The following PTPRD variants were observed in gnomAD, a reference collection of about 807,000 sequenced individuals.
PTPRD encodes the protein protein tyrosine phosphatase receptor type D.
A neutral mutation model predicts 214.5 loss-of-function variants in PTPRD; 34 were observed. The ratio of observed to expected loss-of-function variants is 0.16; its 90% CI spans 0.12 to 0.21. The LOEUF (loss-of-function observed/expected upper bound fraction) is 0.21. Ranked by LOEUF, PTPRD falls within the 10% of genes least tolerant of loss-of-function variation. The pLI is 1.00. For missense variants in PTPRD, 2,545 were observed against 2,398.7 expected (o/e 1.06, Z -1.27); for synonymous variants, 1,128 against 845.7 (o/e 1.33, Z -5.79).
Position 10,599,337 on chromosome 9 carries a change from T to C in PTPRD, c.-600+13061A>G, listed in dbSNP as rs187597403. 2.0e-4 allele frequency among the ~76,000 whole-genome samples: 30 copies of C among 151,928 alleles called. 1 individual carries two copies. In the East Asian group the frequency reaches 5.8e-3, roughly 30 times the overall value. ...TATAATGACCAATAATTCCACTTTG[T>C]TTCCTATACTTGTTTGGGAAGTCTT... On this transcript the variant is annotated intron_variant, in intron 2 of 45. Coordinates refer to ENST00000381196, the MANE Select transcript of PTPRD (RefSeq NM_002839.4).
At chr9:9,121,710 T>C (rs112337854) in intron 10 of PTPRD, among the ~76,000 whole-genome samples, 4,269 of 152,112 alleles carry the variant, frequency 0.028, 104 homozygotes, top group East Asian at 0.071. Context: ...AGACAACAGA[T>C]ATGGTGCAGT....
chr9:8,694,940 C>G lies in PTPRD; in HGVS notation c.64+38840G>C, dbSNP rs148746702. Among the ~76,000 whole-genome samples the G allele has an allele frequency of 2.0e-3, 312 of 152,208 alleles. 2 individuals are homozygous for G. Among genetic ancestry groups the G allele is most frequent in the African/African-American group, 7.0e-3 (292 of 41,540 alleles). On this transcript the variant is annotated intron_variant, in intron 12 of 45. Transcript: ENST00000381196. ...AACATATCCGTCAAAATATTTTGGGCTATAGATAACAGAACATCCTACTAA... is the reference window on the plus strand; with the variant it reads ...AACATATCCGTCAAAATATTTTGGGGTATAGATAACAGAACATCCTACTAA...
intron 4 of PTPRD, among the ~76,000 whole-genome samples, chr9:10,017,536 T>TC (rs1430696542): frequency 6.6e-6 from 1 of 152,134 alleles, no homozygotes; most frequent in Non-Finnish European, 1.5e-5. Context: ...ATTTTATTTT[T>TC]CATGTTCCTC....
intron 3 of PTPRD, among the ~76,000 whole-genome samples, chr9:10,258,435 C>T (rs1195650166): frequency 6.6e-6 from 1 of 151,634 alleles, no homozygotes; most frequent in Non-Finnish European, 1.5e-5. Context: ...GGCTATCTTG[C>T]CATAATATCT....
intron 35 of PTPRD, among the ~76,000 whole-genome samples, chr9:8,418,202 G>C (rs59151440): frequency 0.03 from 4,548 of 151,710 alleles, 227 homozygotes; most frequent in African/African-American, 0.1. Context: ...TTCTTGCTTG[G>C]AGAGCACTTT....
rs547801247 is a variant in PTPRD, at chr9:10,397,678, G to A, written c.-599-56661C>T. Among the ~76,000 whole-genome samples the A allele has an allele frequency of 3.3e-5, 5 of 151,932 alleles. No homozygotes were observed. In the East Asian group the frequency reaches 5.9e-4, roughly 18 times the overall value. On this transcript the variant is annotated intron_variant, in intron 2 of 45. Coordinates refer to ENST00000381196, the MANE Select transcript of PTPRD (RefSeq NM_002839.4). ...CTTACCTTGTGTTACTATTACCTAC[G>A]GTATTTAGCACAGTAATATGCTGTG...
intron 7 of PTPRD, among the ~76,000 whole-genome samples, chr9:9,604,452 A>G (rs144931239): frequency 0.014 from 2,131 of 152,244 alleles, 29 homozygotes; most frequent in Middle Eastern, 0.027. Context: ...AGTTCTGATT[A>G]TAACAAATTA....
At chr9:8,973,430 A>ACATATGTATC (rs1373718728) in intron 11 of PTPRD, among the ~76,000 whole-genome samples, 1 of 152,010 alleles carries the variant, frequency 6.6e-6, no homozygotes, top group Non-Finnish European at 1.5e-5. Context: ...ATTCCACAGT[A>ACATATGTATC]CATATGTATC....
intron 5 of PTPRD, among the ~76,000 whole-genome samples, chr9:9,847,083 G>C (rs938266124): frequency 4.6e-5 from 7 of 152,014 alleles, no homozygotes; most frequent in Middle Eastern, 3.2e-3. Context: ...AAATTGCCAA[G>C]TAAAATTTTT....
At chr9:9,546,253 A>G (rs959722464) in intron 8 of PTPRD, among the ~76,000 whole-genome samples, 1 of 151,538 alleles carries the variant, frequency 6.6e-6, no homozygotes, top group African/African-American at 2.4e-5. Flanking sequence ...GAATTTTTAC[A>G]TAGAAGATCA....
Position 10,075,129 on chromosome 9 carries a change from T to C in PTPRD, c.-544-41339A>G, listed in dbSNP as rs116822756. On this transcript the variant is annotated intron_variant, in intron 3 of 45. Coordinates refer to ENST00000381196, the MANE Select transcript of PTPRD (RefSeq NM_002839.4). The stretch of plus-strand genomic sequence containing the variant: ...GAAGATTTTCAGTGGATTATATTCA[T>C]TTCTGTCAACGAATAAAATACAGTG... Among the ~76,000 whole-genome samples the C allele has an allele frequency of 7.0e-3, 1,064 of 152,242 alleles. 8 individuals carry two copies. Among genetic ancestry groups the C allele is most frequent in the African/African-American group, 0.024 (1,008 of 41,574 alleles).
chr9:10,587,540 A>C (rs913051020), intron 2 of PTPRD, among the ~76,000 whole-genome samples: 2 of 152,012 alleles, frequency 1.3e-5, no homozygotes, highest in South Asian at 4.1e-4. Context: ...TATTTAAGGA[A>C]AGCTTATGAG....
rs1213601256 is a variant in PTPRD, at chr9:8,770,667, T to G, written c.-103-36721A>C. Reference sequence around the variant, plus strand: ...GATACTTGCTTGACCTTTTTTTAAATTAAATACTTTCGTGGAAATATATAT... The same window carrying G: ...GATACTTGCTTGACCTTTTTTTAAAGTAAATACTTTCGTGGAAATATATAT... On this transcript the variant is annotated intron_variant, in intron 11 of 45. Coordinates refer to ENST00000381196, the MANE Select transcript of PTPRD (RefSeq NM_002839.4). Among the ~76,000 whole-genome samples, 4 of 152,188 alleles carry G rather than the reference T, an allele frequency of 2.6e-5. No homozygotes were observed. In the South Asian group the frequency reaches 6.2e-4, roughly 24 times the overall value.
chr9:9,196,047 G>A (rs1043769539), intron 9 of PTPRD, among the ~76,000 whole-genome samples: 2 of 152,074 alleles, frequency 1.3e-5, no homozygotes, highest in Admixed American at 1.3e-4. Context: ...AGATGGGGAG[G>A]CCAAGATTCT....
chr9:9,408,613 T>G (rs1193208265), intron 8 of PTPRD, among the ~76,000 whole-genome samples: 1 of 151,908 alleles, frequency 6.6e-6, no homozygotes, highest in Non-Finnish European at 1.5e-5. Context: ...AAATATATTT[T>G]AAGGAACCCG....
intron 11 of PTPRD, among the ~76,000 whole-genome samples, chr9:8,785,361 G>C (rs2095899929): frequency 6.6e-6 from 1 of 152,310 alleles, no homozygotes; most frequent in Non-Finnish European, 1.5e-5. Context: ...TAGGGGACTT[G>C]TATTACATAT....
chr9:8,783,695 G>C (rs1437323763), intron 11 of PTPRD, among the ~76,000 whole-genome samples: 2 of 152,178 alleles, frequency 1.3e-5, no homozygotes, highest in Admixed American at 6.5e-5. Flanking sequence ...AGATTGTTAA[G>C]ATGACAAACG....
At chr9:8,987,221 T>A (rs1002289152) in intron 11 of PTPRD, among the ~76,000 whole-genome samples, 2 of 152,088 alleles carry the variant, frequency 1.3e-5, no homozygotes, top group Non-Finnish European at 2.9e-5. Flanking sequence ...TGCTGACATG[T>A]TTCACCAGAT....
chr9:9,375,175 A>G (rs1229409754), intron 9 of PTPRD, among the ~76,000 whole-genome samples: 1 of 152,192 alleles, frequency 6.6e-6, no homozygotes, highest in African/African-American at 2.4e-5. Context: ...CATCATACTG[A>G]AAGACAATGT....
Sources: allele counts gnomAD v4.1 joint callset (sites outside exome capture counted in the v4.1 genomes callset), GRCh38; gene constraint gnomAD v4.1.1; transcripts MANE v1.5; gene names NCBI Gene and HGNC (gene_info 2026-07-23, HGNC 2026-07-21).